HNRNPR: variants seen among roughly 807,000 people sequenced by gnomAD.
HNRNPR encodes the protein heterogeneous nuclear ribonucleoprotein R.
In HNRNPR, 4 loss-of-function variants were observed where a neutral mutation model predicts 70.3. That is an observed-to-expected ratio of 0.06 (90% CI 0.03 to 0.13). The LOEUF is 0.13. Among genes scored for constraint, HNRNPR ranks in the 10% least tolerant of loss-of-function variants. The probability of loss-of-function intolerance (pLI) is 1.00; values close to 1 mark genes in which losing one functional copy is unlikely to be tolerated. For synonymous variants in HNRNPR, 241 were observed against 267.6 expected, an observed-to-expected ratio of 0.90 and a Z score of 0.97; for missense variants, 423 against 788.5, an observed-to-expected ratio of 0.54 and a Z score of 5.55.
rs1202463136 is a variant in HNRNPR at position 23,305,996 on chromosome 1, GTCT to G, written c.*4455_*4457del. On this transcript the variant is annotated 3_prime_UTR_variant, in exon 11 of 11. Transcript: ENST00000302271. ...TGTTTAAGCCCTCCATTCTATCAAT[GTCT>G]TCTTGTTTTCACTAAAATTAGTGTG... is the stretch of plus-strand genomic sequence containing the variant. 3.3e-5 allele frequency: 5 copies of G among 152,114 alleles called. No homozygotes were observed. Among genetic ancestry groups the G allele is most frequent in the South Asian group, 2.1e-4 (1 of 4,828 alleles). 9.4% of individuals were successfully genotyped at this position (152,114 alleles called of 1,614,324 possible).
intron 1 of HNRNPR, among the ~76,000 whole-genome samples, chr1:23,343,219 T>C (rs1646771486): frequency 6.6e-6 from 1 of 152,124 alleles, no homozygotes; most frequent in African/African-American, 2.4e-5. Flanking sequence ...ATTTAAAGAT[T>C]TAAAAGGGCT....
intron 5 of HNRNPR, among the ~76,000 whole-genome samples, chr1:23,326,055 G>A (rs1462827796): frequency 6.6e-6 from 1 of 152,090 alleles, no homozygotes; most frequent in Non-Finnish European, 1.5e-5. Flanking sequence ...TGGGGGAAGA[G>A]AGAGGCTCTC....
At chr1:23,312,644 G>C (rs1378902953) in intron 9 of HNRNPR, among the ~76,000 whole-genome samples, 1 of 152,116 alleles carries the variant, frequency 6.6e-6, no homozygotes, top group East Asian at 1.9e-4. Context: ...CCATCAATGA[G>C]CAAGCCAATT....
chr1:23,319,739 T>TC (rs1324424114), intron 7 of HNRNPR, among the ~76,000 whole-genome samples: 1 of 152,224 alleles, frequency 6.6e-6, no homozygotes, highest in Non-Finnish European at 1.5e-5. Flanking sequence ...CCTGCCTACT[T>TC]CATTTCATAC....
At chr1:23,331,737 G>C (rs996444751) in intron 5 of HNRNPR, among the ~76,000 whole-genome samples, 2 of 150,948 alleles carry the variant, frequency 1.3e-5, no homozygotes, top group Non-Finnish European at 2.9e-5. Context: ...GGGAGGCTGA[G>C]GCAGGAGGGC....
chr1:23,337,613 C>T (rs183620661), intron 4 of HNRNPR, 141 bp downstream of exon 4: 32 of 570,476 alleles, frequency 5.6e-5, no homozygotes, highest in South Asian at 1.5e-4. Context: ...TCCAAGACTG[C>T]GCCGCTACTC....
intron 2 of HNRNPR, among the ~76,000 whole-genome samples, chr1:23,339,231 G>C (rs1277701151): frequency 6.6e-6 from 1 of 152,228 alleles, no homozygotes; most frequent in Non-Finnish European, 1.5e-5. Context: ...ACAAATGCAA[G>C]TGCAGCTTGA....
chr1:23,334,253 T>C (rs1476888119), intron 4 of HNRNPR, among the ~76,000 whole-genome samples: 17 of 147,806 alleles, frequency 1.2e-4, no homozygotes, highest in Non-Finnish European at 1.9e-4. Flanking sequence ...TTTTTTTTTT[T>C]TGAGACGGAG....
chr1:23,331,818 A>G (rs1401680260), intron 5 of HNRNPR, among the ~76,000 whole-genome samples: 2 of 118,898 alleles, frequency 1.7e-5, no homozygotes, highest in Non-Finnish European at 3.4e-5. Context: ...TCTGGGTGAC[A>G]GTGAGACTGT....
In HNRNPR at chr1:23,310,016, ATT is replaced by A. The variant is rs1442278204; in HGVS notation, c.*436_*437del. The A allele has an allele frequency of 1.3e-5, 2 of 153,240 alleles. No individual in the cohort carries two copies. Among genetic ancestry groups the A allele is most frequent in the Admixed American group, 6.5e-5 (1 of 15,294 alleles). The allele number at this position is 153,240 out of a possible 1,614,324, so 9.5% of individuals were successfully genotyped here. On this transcript the variant is annotated 3_prime_UTR_variant, in exon 11 of 11. Coordinates refer to ENST00000302271, the MANE Select transcript of HNRNPR (RefSeq NM_005826.5). This position sits in a 1 kb window ranked among gnomAD's most constrained non-coding sequence, Gnocchi z 6.0. ...TTATTTTCAATACAAGAAAACTTAA[ATT>A]TGTTTGCTTTAATTTCTTAAAACTA...
In HNRNPR at chr1:23,310,297, A is replaced by C. The variant is rs1645280195; in HGVS notation, c.*157T>G. The C allele has an allele frequency of 7.7e-6, 5 of 647,810 alleles. No homozygotes were observed. The highest frequency in any genetic ancestry group is 1.3e-5 in the Non-Finnish European group (5 of 390,720). 40.1% of individuals were successfully genotyped at this position (647,810 alleles called of 1,614,324 possible). ...TTATGAAAAGAGGAAAAATAAAAAG[A>C]CTTGAGTATATACACAATAGTGATT... On this transcript the variant is annotated 3_prime_UTR_variant, in exon 11 of 11. Coordinates refer to ENST00000302271, the MANE Select transcript of HNRNPR (RefSeq NM_005826.5). This position sits in a 1 kb window ranked among gnomAD's most constrained non-coding sequence, Gnocchi z 6.0.
intron 8 of HNRNPR, among the ~76,000 whole-genome samples, chr1:23,315,207 G>A (rs1645484814): frequency 6.7e-6 from 1 of 149,324 alleles, no homozygotes; most frequent in African/African-American, 2.5e-5. Flanking sequence ...TTGAACCCGG[G>A]AGGCAGAGGC....
intron 4 of HNRNPR, 145 bp from the exon 5 acceptor site, chr1:23,333,776 T>G (rs1407033165): frequency 3.6e-6 from 2 of 561,168 alleles, no homozygotes; most frequent in East Asian, 5.6e-5. Flanking sequence ...AAATTCGCAC[T>G]GGTTCCCCAT....
At chr1:23,333,400 A>G (rs1418722168) in intron 5 of HNRNPR, 118 bp downstream of exon 5, 1 of 596,888 alleles carries the variant, frequency 1.7e-6, no homozygotes, top group African/African-American at 1.8e-5. Context: ...CTAAAAACTA[A>G]CAACAGCTAC....
rs1182886638 is a variant in HNRNPR at position 23,305,991 on chromosome 1, T to C, written c.*4463A>G. The C allele has an allele frequency of 2.6e-5, 4 of 152,234 alleles. No individual in the cohort carries two copies. Among genetic ancestry groups the C allele is most frequent in the Non-Finnish European group, 5.9e-5 (4 of 68,032 alleles). 9.4% of individuals were successfully genotyped at this position (152,234 alleles called of 1,614,324 possible). ...TTTGGTGTTTAAGCCCTCCATTCTA[T>C]CAATGTCTTCTTGTTTTCACTAAAA... On this transcript the variant is annotated 3_prime_UTR_variant, in exon 11 of 11. Coordinates refer to ENST00000302271, the MANE Select transcript of HNRNPR (RefSeq NM_005826.5).
intron 4 of HNRNPR, among the ~76,000 whole-genome samples, chr1:23,336,781 AAAAAG>A (rs1646509862): frequency 2.0e-5 from 3 of 151,350 alleles, no homozygotes; most frequent in Non-Finnish European, 2.9e-5. Flanking sequence ...AAAAAAAAAA[AAAAAG>A]AAAAGTATGT....
chr1:23,335,892 C>T (rs1039768773), intron 4 of HNRNPR, among the ~76,000 whole-genome samples: 69 of 147,288 alleles, frequency 4.7e-4, no homozygotes, highest in Admixed American at 5.4e-4. Context: ...CTGAGGCGGG[C>T]GGATCACGAG....
intron 3 of HNRNPR, 169 bp downstream of exon 3, chr1:23,338,321 C>T: frequency 2.3e-6 from 1 of 426,082 alleles, no homozygotes; most frequent in Non-Finnish European, 4.2e-6. Flanking sequence ...TTGCTTTATA[C>T]TTGGGCTTCT....
chr1:23,336,216 A>C (rs1306705831), intron 4 of HNRNPR, among the ~76,000 whole-genome samples: 1 of 151,466 alleles, frequency 6.6e-6, no homozygotes, highest in African/African-American at 2.4e-5. Context: ...CCCCAAGGTC[A>C]GGAGTTTGAG....
Sources: gnomAD v4.1 joint callset for allele counts (sites outside exome capture counted in the v4.1 genomes callset) on GRCh38, gnomAD v4.1.1 for gene constraint, Gnocchi (gnomAD v3.1) non-coding constraint, MANE v1.5 for transcripts, NCBI Gene and HGNC (gene_info 2026-07-23, HGNC 2026-07-21) for gene names.